Variants in TMEM236 observed in about 807,000 individuals in gnomAD.
TMEM236 encodes transmembrane protein 236.
A neutral mutation model predicts 14.7 loss-of-function variants in TMEM236; 11 were observed. The observed-to-expected ratio is 0.75, with a 90% CI of 0.47 to 1.24. TMEM236 has a LOEUF of 1.24. TMEM236 is among the 50% of genes most tolerant of loss of function. TMEM236 has a pLI of 0.00. For synonymous variants in TMEM236, 182 were observed against 168.6 expected, an observed-to-expected ratio of 1.08 and a Z score of -0.62; for missense variants, 464 against 427.3, an observed-to-expected ratio of 1.09 and a Z score of -0.76.
chr10:17,790,731 C>T (rs1449744860), intron 3 of TMEM236, among the ~76,000 whole-genome samples: 2 of 152,152 alleles, frequency 1.3e-5, no homozygotes, highest in Non-Finnish European at 1.5e-5. Context: ...ATATTTTTCT[C>T]AGTGTTATGC....
intron 3 of TMEM236, among the ~76,000 whole-genome samples, chr10:17,791,311 A>T (rs981212423): frequency 4.2e-4 from 62 of 146,948 alleles, no homozygotes; most frequent in African/African-American, 1.4e-3. Context: ...AAAAAAAATT[A>T]GTCAGGTGTG....
rs1837220136 is a variant in TMEM236 at position 17,752,243 on chromosome 10, G to A, written c.-53G>A. ...TTCAGTGTCTGTGGGTCCATATGCT[G>A]CCCACAGTCAAAGAGGGAGTCCCAG... On this transcript the variant is annotated 5_prime_UTR_variant, in exon 1 of 4. Transcript: ENST00000377495. The A allele has an allele frequency of 1.9e-6, 3 of 1,613,720 alleles. No homozygotes were observed. Among genetic ancestry groups the A allele is most frequent in the South Asian group, 1.1e-5 (1 of 91,022 alleles).
In TMEM236 at chr10:17,774,759, T is replaced by C. The variant is rs1837631268; in HGVS notation, c.331-1270T>C. Among the ~76,000 whole-genome samples the C allele has an allele frequency of 2.6e-5, 4 of 151,994 alleles. No homozygotes were observed. The South Asian group carries it at 8.3e-4, about 32-fold the overall frequency. On this transcript the variant is annotated intron_variant, in intron 2 of 3. Coordinates refer to ENST00000377495, the MANE Select transcript of TMEM236 (RefSeq NM_001098844.3). ...GTTGAAGTTGCATTGAATAGTATCA[T>C]TTTTCCTTCCTTCCTCCCTCCCTCC...
In TMEM236 at chr10:17,796,249, C is replaced by A; in HGVS notation, c.801C>A (p.Tyr267Ter). The A allele has an allele frequency of 6.2e-7, 1 of 1,613,948 alleles. No individual in the cohort carries two copies. Among genetic ancestry groups the A allele is most frequent in the South Asian group, 1.1e-5 (1 of 91,070 alleles). Residue 267 changes from tyrosine (Y) to a stop codon, truncating the protein, a stop_gained, in exon 4 of 4, where the codon TAC becomes TAA. Transcript: ENST00000377495. LOFTEE classifies it low-confidence loss of function (END_TRUNC). ...HPNVYKSSWL[Y>*]PVYIFSFISL... ...ACGTGTACAAGTCAAGCTGGCTATACCCAGTCTACATATTCAGTTTTATTT... is the reference window on the plus strand; with the variant it reads ...ACGTGTACAAGTCAAGCTGGCTATAACCAGTCTACATATTCAGTTTTATTT...
At position 17,776,019 on chromosome 10, in the gene TMEM236, C is replaced by A. The variant is rs544687463; in HGVS notation, c.331-10C>A. The A allele has an allele frequency of 2.6e-4, 424 of 1,613,796 alleles. No individual in the cohort carries two copies. The African/African-American group carries it at 5.1e-3, about 19-fold the overall frequency. On this transcript the variant is annotated splice_polypyrimidine_tract_variant and intron_variant, in intron 2 of 3. Transcript: ENST00000377495. ...TAATTTAATGCTTGTAAATGGTTTT[C>A]TCTAAACAGGTTCAAAAGAGCATTA...
intron 1 of TMEM236, among the ~76,000 whole-genome samples, chr10:17,761,883 T>C (rs1837370279): frequency 6.6e-6 from 1 of 152,170 alleles, no homozygotes; most frequent in Non-Finnish European, 1.5e-5. Context: ...TACAGAGAAC[T>C]CACTACTTTC....
At chr10:17,786,192 G>A (rs1177256027) in intron 3 of TMEM236, among the ~76,000 whole-genome samples, 1 of 152,132 alleles carries the variant, frequency 6.6e-6, no homozygotes, top group Non-Finnish European at 1.5e-5. Context: ...ATAGGAATAA[G>A]GGAATAAAAG....
intron 3 of TMEM236, among the ~76,000 whole-genome samples, chr10:17,783,819 T>C (rs1837793009): frequency 6.6e-6 from 1 of 152,208 alleles, no homozygotes; most frequent in Admixed American, 6.5e-5. Context: ...GTAGTAGTTG[T>C]AGTTGTGTTT....
intron 3 of TMEM236, among the ~76,000 whole-genome samples, chr10:17,790,410 C>G (rs1160907512): frequency 6.6e-6 from 1 of 151,340 alleles, no homozygotes; most frequent in Non-Finnish European, 1.5e-5. Context: ...AGGGAATAAA[C>G]GAATGGATGA....
At chr10:17,769,100 C>T (rs1052812689) in intron 1 of TMEM236, among the ~76,000 whole-genome samples, 12 of 151,310 alleles carry the variant, frequency 7.9e-5, no homozygotes, top group African/African-American at 2.4e-4. Context: ...AGTGACAAGA[C>T]GTGTTTTACA....
At chr10:17,758,155 T>G (rs1204361527) in intron 1 of TMEM236, among the ~76,000 whole-genome samples, 1 of 152,210 alleles carries the variant, frequency 6.6e-6, no homozygotes, top group African/African-American at 2.4e-5. Flanking sequence ...ATATATAGGG[T>G]GTCATGTCTT....
rs1293218522 is a variant in TMEM236 at position 17,752,204 on chromosome 10, GA to G, written c.-90del. On this transcript the variant is annotated 5_prime_UTR_variant, in exon 1 of 4. Coordinates refer to ENST00000377495, the MANE Select transcript of TMEM236 (RefSeq NM_001098844.3). The stretch of plus-strand genomic sequence containing the variant: ...CACTGGTTAGCGATTCGAGGACAAG[GA>G]ACTTGATCCCAGTTCAGTGTCTGTG... 3.7e-4 allele frequency: 591 copies of G among 1,605,100 alleles called. 2 individuals carry two copies. Among genetic ancestry groups the G allele is most frequent in the Middle Eastern group, 1.7e-3 (10 of 5,950 alleles).
At chr10:17,758,950 T>G (rs979230257) in intron 1 of TMEM236, among the ~76,000 whole-genome samples, 1 of 152,228 alleles carries the variant, frequency 6.6e-6, no homozygotes, top group Non-Finnish European at 1.5e-5. Context: ...TAGGCCTCCA[T>G]GCCAGTGTTG....
chr10:17,796,944 C>A lies in TMEM236; in HGVS notation c.*440C>A, dbSNP rs980865105. On this transcript the variant is annotated 3_prime_UTR_variant, in exon 4 of 4. Coordinates refer to ENST00000377495, the MANE Select transcript of TMEM236 (RefSeq NM_001098844.3). ...GGAGCCCAAACCCTATTGTGAACTGCGTATGCAAGGGATCTAGCTTTCGCT... is the reference window on the plus strand; with the variant it reads ...GGAGCCCAAACCCTATTGTGAACTGAGTATGCAAGGGATCTAGCTTTCGCT... 5 of 187,392 alleles carry A rather than the reference C, an allele frequency of 2.7e-5. No homozygotes were observed. Among genetic ancestry groups the A allele is most frequent in the East Asian group, 3.0e-4 (2 of 6,770 alleles). 11.6% of individuals were successfully genotyped at this position (187,392 alleles called of 1,614,324 possible).
At chr10:17,769,419 C>T (rs1837530612) in intron 1 of TMEM236, among the ~76,000 whole-genome samples, 1 of 152,096 alleles carries the variant, frequency 6.6e-6, no homozygotes, top group Admixed American at 6.6e-5. Flanking sequence ...AGGAAAAACA[C>T]CAGAATATAT....
Position 17,776,015 on chromosome 10 carries a change from T to C in TMEM236, c.331-14T>C. On this transcript the variant is annotated splice_polypyrimidine_tract_variant and intron_variant, in intron 2 of 3. Coordinates refer to ENST00000377495, the MANE Select transcript of TMEM236 (RefSeq NM_001098844.3). ...ACAATAATTTAATGCTTGTAAATGG[T>C]TTTCTCTAAACAGGTTCAAAAGAGC... The C allele has an allele frequency of 6.2e-7, 1 of 1,613,794 alleles. No homozygotes were observed. Among genetic ancestry groups the C allele is most frequent in the Non-Finnish European group, 8.5e-7 (1 of 1,179,792 alleles).
At chr10:17,756,493 C>T (rs980697647) in intron 1 of TMEM236, among the ~76,000 whole-genome samples, 7 of 151,964 alleles carry the variant, frequency 4.6e-5, no homozygotes, top group African/African-American at 1.7e-4. Flanking sequence ...ATGGATTTTC[C>T]CCATGTTGGC....
At position 17,795,878 on chromosome 10, in the gene TMEM236, T is replaced by C; in HGVS notation, c.473-43T>C. ...TGAATAACATTTGAGCTAAAATGGA[T>C]ACATTTTAAAAACTAAAATGTAAAT... On this transcript the variant is annotated intron_variant, in intron 3 of 3. Coordinates refer to ENST00000377495, the MANE Select transcript of TMEM236 (RefSeq NM_001098844.3). The C allele has an allele frequency of 1.9e-6, 3 of 1,584,648 alleles. No homozygotes were observed. The South Asian group carries it at 3.3e-5, about 18-fold the overall frequency.
At chr10:17,793,635 C>T (rs938657948) in intron 3 of TMEM236, among the ~76,000 whole-genome samples, 3 of 152,072 alleles carry the variant, frequency 2.0e-5, no homozygotes, top group African/African-American at 7.2e-5. Flanking sequence ...AGGTGCCCAC[C>T]ACCACTCCCA....
Sources: allele counts gnomAD v4.1 joint callset (sites outside exome capture counted in the v4.1 genomes callset), GRCh38; gene constraint gnomAD v4.1.1; transcripts MANE v1.5; gene names NCBI Gene and HGNC (gene_info 2026-07-23, HGNC 2026-07-21).